The following RGL1 variants were observed in gnomAD, a reference collection of about 807,000 sequenced individuals.
RGL1 encodes the protein ral guanine nucleotide dissociation stimulator-like 1.
Under a neutral mutation model 95.2 loss-of-function variants are expected in RGL1, and 24 were observed. That is an observed-to-expected ratio of 0.25 (90% CI 0.18 to 0.35). RGL1 has a LOEUF of 0.35. Ranked by LOEUF, RGL1 falls within the 10% of genes least tolerant of loss-of-function variation. The pLI is 1.00. For synonymous variants in RGL1, 329 were observed against 344.9 expected (o/e 0.95, Z 0.51); for missense variants, 715 against 936.3 (o/e 0.76, Z 3.08).
At chr1:183,737,130 T>C (rs1287523786) in intron 1 of RGL1, among the ~76,000 whole-genome samples, 1 of 152,228 alleles carries the variant, frequency 6.6e-6, no homozygotes, top group Non-Finnish European at 1.5e-5. Flanking sequence ...TAGCACTTAC[T>C]TTTAAAGCCA....
At chr1:183,893,279 C>T (rs1218444101) in intron 9 of RGL1, among the ~76,000 whole-genome samples, 2 of 152,130 alleles carry the variant, frequency 1.3e-5, no homozygotes, top group Non-Finnish European at 1.5e-5. Flanking sequence ...CTGAACTGGG[C>T]AATCAAAAGT....
At chr1:183,889,721 T>C (rs994951679) in intron 8 of RGL1, among the ~76,000 whole-genome samples, 2 of 152,056 alleles carry the variant, frequency 1.3e-5, no homozygotes, top group Admixed American at 6.6e-5. Flanking sequence ...CTTTGATGGG[T>C]AAAAAGAAAA....
chr1:183,669,167 C>T (rs779879635), intron 1 of RGL1, among the ~76,000 whole-genome samples: 1 of 152,074 alleles, frequency 6.6e-6, no homozygotes, highest in Non-Finnish European at 1.5e-5. Context: ...TGGTCTCAAT[C>T]TCATGACCTC....
chr1:183,734,325 G>T lies in RGL1; in HGVS notation c.-32-7801G>T, dbSNP rs149757854. Among the ~76,000 whole-genome samples the T allele has an allele frequency of 1.7e-4, 26 of 152,254 alleles. No homozygotes were observed. In the East Asian group the frequency reaches 4.6e-3, roughly 27 times the overall value. On this transcript the variant is annotated intron_variant, in intron 1 of 18. Transcript: ENST00000304685. ...CACTGACTATTAAAGGATAGCAGTG[G>T]AGTGGAGTGGTGAGGGCACAGCTCT...
intron 2 of RGL1, among the ~76,000 whole-genome samples, chr1:183,833,317 C>T (rs1320358064): frequency 6.6e-6 from 1 of 152,124 alleles, no homozygotes; most frequent in African/African-American, 2.4e-5. Context: ...TCTGTTATCC[C>T]ATCAATAAAC....
chr1:183,899,891 CCA>C (rs1288014461), intron 10 of RGL1, among the ~76,000 whole-genome samples: 1 of 152,192 alleles, frequency 6.6e-6, no homozygotes, highest in African/African-American at 2.4e-5. Context: ...AACATAAACC[CCA>C]CAGTCAACAC....
chr1:183,860,007 T>A (rs1037462689), intron 3 of RGL1, among the ~76,000 whole-genome samples: 3 of 152,186 alleles, frequency 2.0e-5, no homozygotes, highest in Admixed American at 6.5e-5. Context: ...ATCTGCAGGC[T>A]ATTTCACCCA....
At chr1:183,721,932 G>A (rs1656033323) in intron 1 of RGL1, among the ~76,000 whole-genome samples, 2 of 152,232 alleles carry the variant, frequency 1.3e-5, no homozygotes, top group Non-Finnish European at 2.9e-5. Context: ...AGACCTCATA[G>A]GGTCAGGGTC....
intron 1 of RGL1, among the ~76,000 whole-genome samples, chr1:183,736,878 A>C (rs1656972138): frequency 6.6e-6 from 1 of 152,254 alleles, no homozygotes; most frequent in African/African-American, 2.4e-5. Context: ...TGACCCTAAT[A>C]GATAAAGATA....
chr1:183,845,759 C>T (rs1025659520), intron 2 of RGL1, among the ~76,000 whole-genome samples: 8 of 152,200 alleles, frequency 5.3e-5, no homozygotes, highest in African/African-American at 1.7e-4. Flanking sequence ...TAGATTTCCA[C>T]GGAGAATATA....
At chr1:183,767,159 G>A (rs986967880) in intron 2 of RGL1, among the ~76,000 whole-genome samples, 1 of 150,244 alleles carries the variant, frequency 6.7e-6, no homozygotes, top group African/African-American at 2.5e-5. Context: ...GTTTGAAGTT[G>A]CAGTGAGCTA....
At chr1:183,891,996 A>C in intron 8 of RGL1, 81 bp from the exon 9 acceptor site, 1 of 998,286 alleles carries the variant, frequency 1.0e-6, no homozygotes, top group Non-Finnish European at 1.5e-6. Flanking sequence ...CTTAGACATG[A>C]GTCCTGAGGA....
At chr1:183,690,302 C>T (rs1404230147) in intron 1 of RGL1, among the ~76,000 whole-genome samples, 1 of 152,076 alleles carries the variant, frequency 6.6e-6, no homozygotes, top group African/African-American at 2.4e-5. Flanking sequence ...GAGCAGTTTT[C>T]CAGGGAGAAT....
In RGL1 at chr1:183,674,656, C is replaced by A. The variant is rs1026966108; in HGVS notation, c.-33+38155C>A. ...TCAGAGAATAACCCCTGGTCTTCTGCCAGTGGAGTTAGCATTTGGTTATGA... is the reference window on the plus strand; with the variant it reads ...TCAGAGAATAACCCCTGGTCTTCTGACAGTGGAGTTAGCATTTGGTTATGA... On this transcript the variant is annotated intron_variant, in intron 1 of 18. Transcript: ENST00000304685. 5.9e-4 allele frequency among the ~76,000 whole-genome samples: 90 copies of A among 152,138 alleles called. 1 individual carries two copies. The highest frequency in any genetic ancestry group is 2.1e-3 in the African/African-American group (86 of 41,422).
In RGL1 at chr1:183,719,315, G is replaced by C. The variant is rs192957730; in HGVS notation, c.-32-22811G>C. Among the ~76,000 whole-genome samples, 46 of 152,362 alleles carry C rather than the reference G, an allele frequency of 3.0e-4. No homozygotes were observed. In the East Asian group the frequency reaches 8.7e-3, roughly 29 times the overall value. The stretch of plus-strand genomic sequence containing the variant: ...TGAGCAGTCCTGCACCTTGACTACA[G>C]TGTGGTCTCTTCTCCTCCTTGTAGT... On this transcript the variant is annotated intron_variant, in intron 1 of 18. Transcript: ENST00000304685.
At chr1:183,791,227 G>T (rs1024519613) in intron 2 of RGL1, among the ~76,000 whole-genome samples, 13 of 152,098 alleles carry the variant, frequency 8.5e-5, no homozygotes, top group Non-Finnish European at 1.9e-4. Flanking sequence ...GTCTAAATTT[G>T]TTCTTGGCAA....
intron 2 of RGL1, among the ~76,000 whole-genome samples, chr1:183,790,123 A>G (rs912574370): frequency 6.6e-5 from 10 of 151,966 alleles, no homozygotes; most frequent in African/African-American, 2.2e-4. Flanking sequence ...GTGGGGTTTC[A>G]CCATGTTGGT....
intron 8 of RGL1, among the ~76,000 whole-genome samples, chr1:183,889,484 G>A (rs960346020): frequency 2.0e-5 from 3 of 152,172 alleles, no homozygotes; most frequent in Non-Finnish European, 4.4e-5. Flanking sequence ...CCTTAGTGGG[G>A]CAGAATGGAA....
At chr1:183,849,475 A>G (rs1482426026) in intron 3 of RGL1, among the ~76,000 whole-genome samples, 1 of 107,106 alleles carries the variant, frequency 9.3e-6, no homozygotes, top group Non-Finnish European at 1.9e-5. Flanking sequence ...AGTTTTCTCC[A>G]GTTTTTAGTT....
Sources: allele counts gnomAD v4.1 joint callset (sites outside exome capture counted in the v4.1 genomes callset), GRCh38; gene constraint gnomAD v4.1.1; transcripts MANE v1.5; gene names NCBI Gene and HGNC (gene_info 2026-07-23, HGNC 2026-07-21).